The following ZNF678 variants were observed in gnomAD, a reference collection of about 807,000 sequenced individuals.
The protein encoded by ZNF678 is zinc finger protein 678.
In ZNF678, 5 loss-of-function variants were observed where a neutral mutation model predicts 3.0. The ratio of observed to expected loss-of-function variants is 1.69; its 90% CI spans 0.88 to 3.56. The LOEUF is 3.56. ZNF678 is among the 30% of genes most tolerant of loss of function. The pLI is 0.00. For missense variants in ZNF678, 593 were observed against 605.0 expected, an observed-to-expected ratio of 0.98 and a Z score of 0.21; for synonymous variants, 218 against 199.6, an observed-to-expected ratio of 1.09 and a Z score of -0.78.
rs1162617486 is a variant in ZNF678, at chr1:227,662,152, G to A, written c.*6324G>A. 2.6e-5 allele frequency: 4 copies of A among 152,194 alleles called. No homozygotes were observed. Among genetic ancestry groups the A allele is most frequent in the African/African-American group, 9.7e-5 (4 of 41,446 alleles). The allele number at this position is 152,194 out of a possible 1,614,324, so 9.4% of individuals were successfully genotyped here. ...ACTTTCAAGCGTTTCTATGGTATTT[G>A]TCAGCTGTGGAGCAACAGCACACAT... On this transcript the variant is annotated 3_prime_UTR_variant, in exon 4 of 4. Transcript: ENST00000343776.
At chr1:227,617,850 G>A (rs775269211) in intron 1 of ZNF678, among the ~76,000 whole-genome samples, 2 of 152,154 alleles carry the variant, frequency 1.3e-5, no homozygotes, top group African/African-American at 4.8e-5. Flanking sequence ...AGCAGGGGAC[G>A]GTTTAAATCA....
intron 1 of ZNF678, among the ~76,000 whole-genome samples, chr1:227,579,265 G>A (rs1323873192): frequency 6.6e-6 from 1 of 152,126 alleles, no homozygotes; most frequent in African/African-American, 2.4e-5. Flanking sequence ...GAGTGTGTGT[G>A]CCATTGTGCT....
chr1:227,595,469 C>T (rs563382164), intron 1 of ZNF678, among the ~76,000 whole-genome samples: 1 of 152,320 alleles, frequency 6.6e-6, no homozygotes, highest in Non-Finnish European at 1.5e-5. Context: ...ACCTCTAATG[C>T]TGGCCAGTCT....
intron 5 of ZNF678, among the ~76,000 whole-genome samples, chr1:227,667,530 C>T (rs369436116): frequency 2.6e-4 from 39 of 152,234 alleles, no homozygotes; most frequent in African/African-American, 8.2e-4. Flanking sequence ...GCTGAGAAGA[C>T]GAGGAGATTG....
In ZNF678 at chr1:227,673,318, T is replaced by C. The variant is rs534748537; in HGVS notation, c.227-3861T>C. ...ACTGGAGGGCTCAAGACTGCTGCTG[T>C]TCATATCTCCTGTCTTAGATGACGT... On this transcript the variant is annotated intron_variant, in intron 5 of 5. Coordinates refer to the ZNF678 transcript ENST00000608949. Among the ~76,000 whole-genome samples the C allele has an allele frequency of 2.0e-5, 3 of 152,320 alleles. No homozygotes were observed. The East Asian group carries it at 5.8e-4, about 29-fold the overall frequency.
At chr1:227,667,359 G>A (rs1659520850), downstream of ZNF678, among the ~76,000 whole-genome samples, 1 of 152,074 alleles carries the variant, frequency 6.6e-6, no homozygotes, top group Non-Finnish European at 1.5e-5. Context: ...GATAAAAAAG[G>A]TCTACTCTAT....
At chr1:227,563,936 G>T (rs530913446) in intron 1 of ZNF678, among the ~76,000 whole-genome samples, 3 of 152,368 alleles carry the variant, frequency 2.0e-5, no homozygotes, top group South Asian at 2.1e-4. Flanking sequence ...AGCCCCGCGG[G>T]TCCCCCAGAC....
intron 1 of ZNF678, among the ~76,000 whole-genome samples, chr1:227,593,392 A>G (rs1172398624): frequency 6.6e-6 from 1 of 152,214 alleles, no homozygotes; most frequent in Admixed American, 6.5e-5. Flanking sequence ...TGATTTTAGG[A>G]AATTACAAAA....
At chr1:227,624,932 G>A (rs998969700) in intron 1 of ZNF678, among the ~76,000 whole-genome samples, 1 of 152,178 alleles carries the variant, frequency 6.6e-6, no homozygotes, top group Non-Finnish European at 1.5e-5. Flanking sequence ...CGCAACAAAC[G>A]CGGACCGGAA....
chr1:227,574,280 C>T (rs937289409), intron 1 of ZNF678, among the ~76,000 whole-genome samples: 2 of 152,208 alleles, frequency 1.3e-5, no homozygotes, highest in Non-Finnish European at 2.9e-5. Context: ...CTAATTTACA[C>T]TCCCACCAAC....
chr1:227,677,233 C>G lies in ZNF678; in HGVS notation c.*50C>G, dbSNP rs115549907. On this transcript the variant is annotated 3_prime_UTR_variant, in exon 6 of 6. Transcript: ENST00000608949. The stretch of plus-strand genomic sequence containing the variant: ...CTCTTGAGTTCATGGTTCACCACTT[C>G]CAGCCTGGTGACTTGGTGCTGATTA... The G allele has an allele frequency of 4.7e-3, 722 of 152,328 alleles. 1 individual carries two copies. Among genetic ancestry groups the G allele is most frequent in the Middle Eastern group, 0.014 (4 of 294 alleles). 9.4% of individuals were successfully genotyped at this position (152,328 alleles called of 1,614,324 possible). A position where few individuals can be genotyped will look rare whatever the true frequency, so the allele number is the denominator to read the frequency against.
chr1:227,599,024 A>G, intron 1 of ZNF678: 1 of 1,509,132 alleles, frequency 6.6e-7, no homozygotes, highest in Non-Finnish European at 9.2e-7. Flanking sequence ...TTGCTCTTTT[A>G]CTTCTTCCCA....
chr1:227,624,739 C>T (rs1389162900), intron 1 of ZNF678, among the ~76,000 whole-genome samples: 3 of 152,216 alleles, frequency 2.0e-5, no homozygotes, highest in African/African-American at 7.2e-5. Flanking sequence ...AGGACAAACC[C>T]GGGCACTTAC....
chr1:227,635,652 T>G (rs1658659881), intron 1 of ZNF678, among the ~76,000 whole-genome samples: 1 of 151,662 alleles, frequency 6.6e-6, no homozygotes, highest in African/African-American at 2.4e-5. Context: ...GGGCAAAGGT[T>G]TTATGGTCTC....
chr1:227,653,264 A>AT (rs915977358), intron 3 of ZNF678, among the ~76,000 whole-genome samples: 26 of 149,246 alleles, frequency 1.7e-4, no homozygotes, highest in Non-Finnish European at 2.8e-4. Flanking sequence ...TTTATTCTTG[A>AT]TTTTTTTTTA....
chr1:227,586,351 G>A (rs1310269350), intron 1 of ZNF678, among the ~76,000 whole-genome samples: 1 of 152,088 alleles, frequency 6.6e-6, no homozygotes, highest in Non-Finnish European at 1.5e-5. Flanking sequence ...ACTTTCATAA[G>A]CATGTTTTAA....
intron 2 of ZNF678, among the ~76,000 whole-genome samples, chr1:227,647,659 G>T (rs1449435043): frequency 3.3e-5 from 5 of 152,172 alleles, no homozygotes; most frequent in Non-Finnish European, 7.3e-5. Flanking sequence ...GGTTTTGTTT[G>T]TCTTCCCCTC....
At chr1:227,592,033 G>A (rs561445884) in intron 1 of ZNF678, among the ~76,000 whole-genome samples, 7 of 152,254 alleles carry the variant, frequency 4.6e-5, no homozygotes, top group East Asian at 1.9e-4. Context: ...TCCCATCCAC[G>A]TACAGCTCCC....
chr1:227,590,828 C>T (rs1292349896), intron 1 of ZNF678, among the ~76,000 whole-genome samples: 1 of 151,686 alleles, frequency 6.6e-6, no homozygotes, highest in Non-Finnish European at 1.5e-5. Context: ...TACTCTGTGT[C>T]GTTTGAACTC....
Sources: gnomAD v4.1 joint callset for allele counts (sites outside exome capture counted in the v4.1 genomes callset) on GRCh38, gnomAD v4.1.1 for gene constraint, MANE v1.5 for transcripts, NCBI Gene and HGNC (gene_info 2026-07-23, HGNC 2026-07-21) for gene names.